PDE11A: variants seen among roughly 807,000 people sequenced by gnomAD.
PDE11A encodes dual 3',5'-cyclic-AMP and -GMP phosphodiesterase 11A.
Under a neutral mutation model 100.5 loss-of-function variants are expected in PDE11A, and 100 were observed. The observed-to-expected ratio is 1.00, with a 90% confidence interval of 0.85 to 1.18. The LOEUF is 1.18. PDE11A is among the 50% of genes most tolerant of loss of function. The pLI, the probability that PDE11A is intolerant of heterozygous loss-of-function variation, is 0.00. For missense variants in PDE11A, 1,141 were observed against 1,152.6 expected (o/e 0.99, Z 0.15); for synonymous variants, 381 against 420.8 (o/e 0.91, Z 1.16).
At chr2:178,073,764 A>G (rs2087168895), upstream of PDE11A, among the ~76,000 whole-genome samples, 1 of 152,150 alleles carries the variant, frequency 6.6e-6, no homozygotes, top group Admixed American at 6.5e-5. Flanking sequence ...ATGGTTAGTG[A>G]TATGTTGAAA....
At chr2:177,823,780 G>A (rs768621671) in intron 6 of PDE11A, among the ~76,000 whole-genome samples, 18 of 152,162 alleles carry the variant, frequency 1.2e-4, no homozygotes, top group Non-Finnish European at 2.4e-4. Context: ...GCAGCACTAG[G>A]ATGGCTGGGT....
At chr2:177,989,980 A>G (rs1406019158) in intron 2 of PDE11A, among the ~76,000 whole-genome samples, 2 of 152,184 alleles carry the variant, frequency 1.3e-5, no homozygotes, top group Non-Finnish European at 2.9e-5. Flanking sequence ...AAGGGAGAGA[A>G]GGGGGAAAGA....
intron 2 of PDE11A, chr2:177,998,259 A>G (rs760937810): frequency 1.7e-4 from 138 of 830,896 alleles, no homozygotes; most frequent in Admixed American, 4.9e-4. Flanking sequence ...AAGCTCTTCC[A>G]CTTCCTTTGT....
At chr2:177,744,162 TG>T (rs2081914084) in intron 10 of PDE11A, among the ~76,000 whole-genome samples, 1 of 151,972 alleles carries the variant, frequency 6.6e-6, no homozygotes, top group African/African-American at 2.4e-5. Flanking sequence ...CAGAAAAAGT[TG>T]GAGGTATTGG....
In PDE11A at chr2:177,963,735, CAG is replaced by C. The variant is rs1310942648; in HGVS notation, c.1071+50565_1071+50566del. 2.0e-5 allele frequency among the ~76,000 whole-genome samples: 3 copies of C among 152,250 alleles called. No individual in the cohort carries two copies. The East Asian group carries it at 5.8e-4, about 29-fold the overall frequency. Reference sequence around the variant, plus strand: ...AAAGCACAAGTATAGGGCAAATTTCCAGAGAGTATCTAGAAAGCCACAAATAA... The same window carrying C: ...AAAGCACAAGTATAGGGCAAATTTCCAGAGTATCTAGAAAGCCACAAATAA... On this transcript the variant is annotated intron_variant, in intron 2 of 19. Transcript: ENST00000286063.
At chr2:178,066,508 A>T (rs2087046237) in intron 1 of PDE11A, among the ~76,000 whole-genome samples, 1 of 152,078 alleles carries the variant, frequency 6.6e-6, no homozygotes, top group African/African-American at 2.4e-5. Flanking sequence ...CCTGCCCAGG[A>T]CTGGTTTTTG....
intron 15 of PDE11A, chr2:177,683,371 A>G (rs2080893420): frequency 6.6e-6 from 1 of 152,260 alleles, no homozygotes; most frequent in African/African-American, 2.4e-5. Flanking sequence ...GCAGGTGTAT[A>G]CAGTTCTTTT....
chr2:178,038,590 T>C (rs1388101941), intron 1 of PDE11A, among the ~76,000 whole-genome samples: 1 of 152,110 alleles, frequency 6.6e-6, no homozygotes, highest in African/African-American at 2.4e-5. Context: ...CATGGACCAG[T>C]ACTCCACAAT....
chr2:177,716,672 T>C (rs2081442089), intron 12 of PDE11A, among the ~76,000 whole-genome samples: 1 of 152,210 alleles, frequency 6.6e-6, no homozygotes, highest in Non-Finnish European at 1.5e-5. Flanking sequence ...TAATTACCTA[T>C]GATACTCCAG....
intron 18 of PDE11A, among the ~76,000 whole-genome samples, chr2:177,668,491 A>G (rs13017429): frequency 0.81 from 123,506 of 152,120 alleles, 50,894 homozygotes; most frequent in East Asian, 0.98. Flanking sequence ...AAACTCAAAT[A>G]ATTGTTGTGT....
intron 1 of PDE11A, among the ~76,000 whole-genome samples, chr2:178,031,742 C>T (rs1490969478): frequency 6.6e-6 from 1 of 152,020 alleles, no homozygotes; most frequent in Non-Finnish European, 1.5e-5. Flanking sequence ...CCTAAACTGA[C>T]CTATAACTTC....
intron 5 of PDE11A, among the ~76,000 whole-genome samples, chr2:177,845,840 C>A (rs941973979): frequency 3.3e-5 from 5 of 152,196 alleles, no homozygotes; most frequent in African/African-American, 1.2e-4. Context: ...ACCGGCCTGG[C>A]CAACACAGCG....
chr2:177,917,508 C>T (rs2084971146), intron 2 of PDE11A, among the ~76,000 whole-genome samples: 1 of 152,184 alleles, frequency 6.6e-6, no homozygotes, highest in Admixed American at 6.5e-5. Context: ...GCTCCATTGT[C>T]TTAACTTTTT....
chr2:177,873,751 T>C (rs1202480494), intron 5 of PDE11A, among the ~76,000 whole-genome samples: 3 of 152,226 alleles, frequency 2.0e-5, no homozygotes, highest in African/African-American at 7.2e-5. Context: ...GAATGTCCTG[T>C]AAATGAAGTT....
intron 10 of PDE11A, among the ~76,000 whole-genome samples, chr2:177,729,831 T>C (rs1231871052): frequency 6.6e-6 from 1 of 151,712 alleles, no homozygotes; most frequent in Non-Finnish European, 1.5e-5. Flanking sequence ...CCTAGGCACT[T>C]TGTAAGCCCT....
chr2:177,667,093 T>C (rs1019002369), intron 18 of PDE11A, among the ~76,000 whole-genome samples: 15 of 152,082 alleles, frequency 9.9e-5, no homozygotes, highest in Admixed American at 9.8e-4. Context: ...TTTGTATTTT[T>C]AGTAGAGTAG....
chr2:177,668,854 C>T (rs983716601), intron 18 of PDE11A, among the ~76,000 whole-genome samples: 1 of 152,154 alleles, frequency 6.6e-6, no homozygotes. Context: ...TTTAGCTAAT[C>T]ATTGGTTAGT....
intron 2 of PDE11A, among the ~76,000 whole-genome samples, chr2:177,979,903 C>A (rs1450554473): frequency 1.3e-5 from 2 of 150,384 alleles, no homozygotes; most frequent in Admixed American, 6.6e-5. Flanking sequence ...AGCCACCGCG[C>A]CCGGCAGATG....
intron 5 of PDE11A, among the ~76,000 whole-genome samples, chr2:177,850,695 A>C (rs2083685482): frequency 2.0e-5 from 3 of 152,226 alleles, no homozygotes; most frequent in Admixed American, 6.5e-5. Context: ...ACAAGAAAAA[A>C]ACAAACAACC....
Sources: allele counts gnomAD v4.1 joint callset (sites outside exome capture counted in the v4.1 genomes callset), GRCh38; gene constraint gnomAD v4.1.1; transcripts MANE v1.5; gene names NCBI Gene and HGNC (gene_info 2026-07-23, HGNC 2026-07-21).